Variants in NBPF8 observed in about 807,000 individuals in gnomAD.
The protein encoded by NBPF8 is NBPF family member NBPF8.
At chr1:120,455,305 G>C (rs1661404716) in intron 15 of NBPF8, 104 bp from the exon 14 acceptor site, 1 of 676,010 alleles carries the variant, frequency 1.5e-6, no homozygotes, top group Non-Finnish European at 2.6e-6. Flanking sequence ...CCTTATTCTT[G>C]CACTGAGAAT....
intron 11 of NBPF8, among the ~76,000 whole-genome samples, chr1:120,450,208 C>T (rs1481319724): frequency 2.0e-5 from 3 of 151,990 alleles, no homozygotes; most frequent in Non-Finnish European, 4.4e-5. Flanking sequence ...GCCTGGGCGA[C>T]AGGGCAAGAC....
At chr1:120,422,939 G>A (rs1660614250) in intron 1 of NBPF8, among the ~76,000 whole-genome samples, 2 of 89,954 alleles carry the variant, frequency 2.2e-5, no homozygotes, top group East Asian at 2.2e-4. Flanking sequence ...TCTTATTAAT[G>A]AGGTGTTCAG....
In NBPF8 at chr1:120,427,830, G is replaced by A. The variant is rs1180130960; in HGVS notation, n.493G>A. Among the ~76,000 whole-genome samples the A allele has an allele frequency of 1.4e-5, 2 of 145,388 alleles. No individual in the cohort carries two copies. Among genetic ancestry groups the A allele is most frequent in the African/African-American group, 5.1e-5 (2 of 38,882 alleles). On this transcript the variant is annotated non_coding_transcript_exon_variant, in exon 3 of 29. In the 5' UTR this introduces an upstream ATG that the reference lacks. Coordinates refer to the NBPF8 transcript ENST00000652355. ...AAGCAGCCGCCAGTTGGGATCAAAT[G>A]TGAGCCTATGGATCAAGGTGCGTAC...
At chr1:120,436,259 C>T (rs1480095428), upstream of NBPF8, 3 of 697,890 alleles carry the variant, frequency 4.3e-6, no homozygotes, top group East Asian at 8.0e-5. Context: ...TGGCCACAAT[C>T]TACCTCACTC....
At chr1:120,419,448 G>A (rs1660513515), upstream of NBPF8, among the ~76,000 whole-genome samples, 1 of 151,920 alleles carries the variant, frequency 6.6e-6, no homozygotes, top group Non-Finnish European at 1.5e-5. Flanking sequence ...ATTACTTGGT[G>A]AAAACTTCCC....
intron 11 of NBPF8, among the ~76,000 whole-genome samples, chr1:120,449,976 C>A (rs1331259565): frequency 1.3e-5 from 2 of 152,102 alleles, no homozygotes; most frequent in African/African-American, 4.8e-5. Flanking sequence ...CTCCTGTAAT[C>A]CCAGCACTTT....
chr1:120,421,267 A>G (rs1660567226), intron 1 of NBPF8, among the ~76,000 whole-genome samples: 1 of 152,178 alleles, frequency 6.6e-6, no homozygotes, highest in Admixed American at 6.5e-5. Flanking sequence ...TCCAATAACT[A>G]GTTAGCGTGT....
intron 11 of NBPF8, among the ~76,000 whole-genome samples, chr1:120,450,395 G>A (rs1427731361): frequency 6.6e-6 from 1 of 151,770 alleles, no homozygotes; most frequent in Non-Finnish European, 1.5e-5. Flanking sequence ...CAGGGACCGT[G>A]GGCCTGTCTC....
chr1:120,469,600 A>G (rs1370116864), downstream of NBPF8, among the ~76,000 whole-genome samples: 1 of 152,156 alleles, frequency 6.6e-6, no homozygotes, highest in Non-Finnish European at 1.5e-5. Context: ...GCAAAAACTT[A>G]ATTTTTATAA....
At chr1:120,420,224 C>A (rs1357031156) in intron 1 of NBPF8, among the ~76,000 whole-genome samples, 106 bp downstream of exon 2, 2 of 151,970 alleles carry the variant, frequency 1.3e-5, no homozygotes, top group Non-Finnish European at 2.9e-5. Flanking sequence ...ATCGCAGGGC[C>A]TTGCCTGGCA....
downstream of NBPF8, among the ~76,000 whole-genome samples, chr1:120,468,001 G>A (rs1466442404): frequency 6.6e-6 from 1 of 151,526 alleles, no homozygotes; most frequent in Non-Finnish European, 1.5e-5. Context: ...ATTTAGGAAG[G>A]GTTGTATAGC....
exon 13 of NBPF8, chr1:120,452,301 G>A (rs1661301625): frequency 7.7e-6 from 11 of 1,437,376 alleles, no homozygotes; most frequent in African/African-American, 7.6e-5. Flanking sequence ...GTGTAGACTG[G>A]CACAGCACCT....
chr1:120,450,368 C>A (rs1490337673), intron 11 of NBPF8, among the ~76,000 whole-genome samples: 1 of 151,876 alleles, frequency 6.6e-6, no homozygotes, highest in East Asian at 1.9e-4. Context: ...GTGGAGATAG[C>A]AGTGCAGTGT....
At chr1:120,466,184 ATC>A in exon 25 of NBPF8, 6 of 1,609,458 alleles carry the variant, frequency 3.7e-6, no homozygotes, top group African/African-American at 1.3e-5. Context: ...ACAAGTCTCT[ATC>A]TGGTCTTCCA....
At chr1:120,467,963 C>T (rs1268096923), downstream of NBPF8, among the ~76,000 whole-genome samples, 110,023 of 150,990 alleles carry the variant, frequency 0.73, 41,045 homozygotes, top group African/African-American at 0.91. Context: ...TGTGTGTGTG[C>T]GTGTGTGTGT....
chr1:120,415,176 G>A (rs1553244887), upstream of NBPF8, among the ~76,000 whole-genome samples: 29 of 152,292 alleles, frequency 1.9e-4, no homozygotes, highest in South Asian at 5.2e-3. Flanking sequence ...AACGCGGGAC[G>A]GGCGACCTGT....
chr1:120,455,169 C>G (rs1661401439), intron 15 of NBPF8, among the ~76,000 whole-genome samples: 1 of 151,704 alleles, frequency 6.6e-6, no homozygotes, highest in African/African-American at 2.4e-5. Flanking sequence ...AACTTTGACT[C>G]AAGCAGGGAA....
exon 1 of NBPF8, chr1:120,436,511 A>T (rs2101619050): frequency 6.6e-7 from 1 of 1,514,380 alleles, no homozygotes; most frequent in African/African-American, 1.4e-5. Flanking sequence ...CTCTTCTGCC[A>T]CAAACGTCAG....
intron 1 of NBPF8, among the ~76,000 whole-genome samples, chr1:120,424,570 C>T (rs1328500601): frequency 1.3e-5 from 2 of 152,108 alleles, no homozygotes; most frequent in Admixed American, 6.5e-5. Flanking sequence ...GCCTCAGCAT[C>T]CTGAATAGCT....
Sources: allele counts gnomAD v4.1 joint callset (sites outside exome capture counted in the v4.1 genomes callset), GRCh38; gene constraint gnomAD v4.1.1; transcripts MANE v1.5; gene names NCBI Gene and HGNC (gene_info 2026-07-23, HGNC 2026-07-21).